INPPL1: variants seen among roughly 807,000 people sequenced by gnomAD.
The protein encoded by INPPL1 is phosphatidylinositol 3,4,5-trisphosphate 5-phosphatase 2.
In INPPL1, 91 loss-of-function variants were observed where a neutral mutation model predicts 139.3. The observed-to-expected ratio is 0.65, with a 90% confidence interval of 0.55 to 0.78. INPPL1 has a LOEUF of 0.78. Among genes scored for constraint, INPPL1 ranks in the 30% least tolerant of loss-of-function variants. The probability of loss-of-function intolerance (pLI) is 0.00; values close to 1 mark genes in which losing one functional copy is unlikely to be tolerated. For missense variants in INPPL1, 1,411 were observed against 1,665.6 expected (o/e 0.85, Z 2.66); for synonymous variants, 719 against 686.6 (o/e 1.05, Z -0.74).
intron 1 of INPPL1, among the ~76,000 whole-genome samples, chr11:72,225,941 T>A (rs1948659344): frequency 6.6e-6 from 1 of 152,178 alleles, no homozygotes; most frequent in Admixed American, 6.5e-5. Flanking sequence ...TTTTGCAGCC[T>A]TCTAGCGGCT....
At position 72,231,150 on chromosome 11, in the gene INPPL1, C is replaced by A; in HGVS notation, c.1458C>A (p.Arg486=). ...VGDREWLDLL[R]GGLKELTDLD... The stretch of plus-strand genomic sequence containing the variant: ...ACCGCGAGTGGCTGGACCTACTGCG[C>A]GGGGGCCTCAAGGAGCTTACGGATC... Residue 486 remains arginine (R), a synonymous_variant, in exon 12 of 28, where the codon CGC becomes CGA. Coordinates refer to ENST00000298229, the MANE Select transcript of INPPL1 (RefSeq NM_001567.4). 6.2e-7 allele frequency: 1 copy of A among 1,613,472 alleles called. No homozygotes were observed. Among genetic ancestry groups the A allele is most frequent in the Non-Finnish European group, 8.5e-7 (1 of 1,179,958 alleles).
intron 5 of INPPL1, 44 bp from the exon 6 acceptor site, chr11:72,229,421 C>T (rs1344350067): frequency 1.3e-6 from 2 of 1,577,600 alleles, no homozygotes; most frequent in African/African-American, 1.3e-5. Context: ...CTTCCCTATA[C>T]TTAGGTCGGG....
intron 11 of INPPL1, 28 bp from the exon 12 acceptor site, chr11:72,230,965 A>G (rs761851373): frequency 6.2e-7 from 1 of 1,612,006 alleles, no homozygotes; most frequent in South Asian, 1.1e-5. Context: ...TAACCCCTCC[A>G]GACCCACCTC....
chr11:72,231,239 A>C, intron 12 of INPPL1, 50 bp downstream of exon 12: 1 of 1,537,142 alleles, frequency 6.5e-7, no homozygotes, highest in Non-Finnish European at 8.8e-7. Flanking sequence ...CACCACCTCC[A>C]AACTAGCCTA....
In INPPL1 at chr11:72,230,025, T is replaced by C. The variant is rs375624221; in HGVS notation, c.939+6T>C. The C allele has an allele frequency of 2.5e-6, 4 of 1,614,058 alleles. No homozygotes were observed. In the African/African-American group the frequency reaches 5.3e-5, roughly 22 times the overall value. On this transcript the variant is annotated splice_donor_region_variant and intron_variant, in intron 8 of 27. Coordinates refer to ENST00000298229, the MANE Select transcript of INPPL1 (RefSeq NM_001567.4). ...TCCCCGTGCAGGCCTTTGAGGTACATGGCAGTGGGGCCTCACAGGGCCAAG... is the reference window on the plus strand; with the variant it reads ...TCCCCGTGCAGGCCTTTGAGGTACACGGCAGTGGGGCCTCACAGGGCCAAG...
rs755828370 is a variant in INPPL1 at position 72,230,997 on chromosome 11, T to C, written c.1305T>C (p.Ser435=). ...CCTCACCCCCTTCACCTCCAGGAAG[T>C]GTACCACCTCCAAAAAACGTGACAT... ...SVFIGTWNMG[S]VPPPKNVTSW... Residue 435 remains serine, a synonymous_variant, in exon 12 of 28, where the codon AGT becomes AGC. Transcript: ENST00000298229. 54 of 1,613,180 alleles carry C rather than the reference T, an allele frequency of 3.3e-5. No individual in the cohort carries two copies. Among genetic ancestry groups the C allele is most frequent in the Non-Finnish European group, 4.3e-5 (51 of 1,179,556 alleles).
At chr11:72,223,766 A>G (rs1948582603), upstream of INPPL1, 1 of 151,136 alleles carries the variant, frequency 6.6e-6, no homozygotes, top group South Asian at 1.9e-4. Flanking sequence ...GAGGTCACCC[A>G]GTGGGCCAGC....
chr11:72,229,399 A>G, intron 5 of INPPL1, 66 bp from the exon 6 acceptor site: 1 of 1,512,758 alleles, frequency 6.6e-7, no homozygotes, highest in South Asian at 1.1e-5. Flanking sequence ...TTGAGGCTAC[A>G]CCCAGCGCCC....
At chr11:72,231,210 C>T in intron 12 of INPPL1, 21 bp downstream of exon 12, 1 of 1,597,800 alleles carries the variant, frequency 6.3e-7, no homozygotes, top group Non-Finnish European at 8.5e-7. Flanking sequence ...GTCATCTTGT[C>T]CAGGACCCTG....
chr11:72,231,554 C>T lies in INPPL1; in HGVS notation c.1554C>T (p.His518=), dbSNP rs772254020. 3.7e-5 allele frequency: 59 copies of T among 1,613,854 alleles called. No homozygotes were observed. The highest frequency in any genetic ancestry group is 2.2e-4 in the Admixed American group (13 of 59,988). Reference sequence around the variant, plus strand: ...TGGCAGTGCTGGTCAAGCCAGAGCACGAGAACCGTATCAGCCATGTCAGTA... The same window carrying T: ...TGGCAGTGCTGGTCAAGCCAGAGCATGAGAACCGTATCAGCCATGTCAGTA... The part of the protein sequence containing the change: ...IKVAVLVKPE[H]ENRISHVSTS... Residue 518 remains histidine (H), a synonymous_variant, in exon 13 of 28, where the codon CAC becomes CAT. Coordinates refer to ENST00000298229, the MANE Select transcript of INPPL1 (RefSeq NM_001567.4).
Position 72,228,991 on chromosome 11 carries a change from C to T in INPPL1, c.519-99C>T, listed in dbSNP as rs1360920014. 30 of 1,528,316 alleles carry T rather than the reference C, an allele frequency of 2.0e-5. No homozygotes were observed. The highest frequency in any genetic ancestry group is 2.4e-5 in the Non-Finnish European group (27 of 1,136,262). 94.7% of individuals were successfully genotyped at this position (1,528,316 alleles called of 1,614,324 possible). On this transcript the variant is annotated intron_variant, in intron 4 of 27. Coordinates refer to ENST00000298229, the MANE Select transcript of INPPL1 (RefSeq NM_001567.4). The surrounding 1 kb of genome is among the most constrained non-coding windows in gnomAD (Gnocchi z 5.0). ...CAGAGGCAGATAACCTGATCCATCCCGCCCTGGTTGCCACAGGTACTATCT... is the reference window on the plus strand; with the variant it reads ...CAGAGGCAGATAACCTGATCCATCCTGCCCTGGTTGCCACAGGTACTATCT...
At chr11:72,232,465 C>A in intron 14 of INPPL1, 129 bp downstream of exon 14, 1 of 1,201,448 alleles carries the variant, frequency 8.3e-7, no homozygotes, top group Non-Finnish European at 1.2e-6. Context: ...TCTCTTATCC[C>A]AATTCAAGAC....
chr11:72,226,548 A>G (rs1185232140), intron 1 of INPPL1, among the ~76,000 whole-genome samples: 1 of 152,112 alleles, frequency 6.6e-6, no homozygotes, highest in African/African-American at 2.4e-5. Context: ...AGCCGGGGAT[A>G]CTGCTAAACA....
At chr11:72,225,231 G>T in intron 1 of INPPL1, 65 bp downstream of exon 1, 3 of 1,225,886 alleles carry the variant, frequency 2.4e-6, no homozygotes, top group Non-Finnish European at 3.0e-6. Context: ...GCCGGGTGTG[G>T]AAAGGGCCCG....
Position 72,225,199 on chromosome 11 carries a change from G to A in INPPL1, c.182+33G>A, listed in dbSNP as rs1015732940. On this transcript the variant is annotated intron_variant, in intron 1 of 27. Coordinates refer to ENST00000298229, the MANE Select transcript of INPPL1 (RefSeq NM_001567.4). ...GGGCGGGGGCTCCTTGCGGGCTGGC[G>A]TGGACCGGGAGCGCGGGCACGGCCG... 11 of 946,866 alleles carry A rather than the reference G, an allele frequency of 1.2e-5. No homozygotes were observed. In the East Asian group the frequency reaches 1.3e-4, roughly 11 times the overall value. The allele number at this position is 946,866 out of a possible 1,614,324, so 58.7% of individuals were successfully genotyped here.
chr11:72,228,719 G>T lies in INPPL1; in HGVS notation c.398-8G>T. On this transcript the variant is annotated splice_polypyrimidine_tract_variant and splice_region_variant and intron_variant, in intron 3 of 27. Coordinates refer to ENST00000298229, the MANE Select transcript of INPPL1 (RefSeq NM_001567.4). This position sits in a 1 kb window ranked among gnomAD's most constrained non-coding sequence, Gnocchi z 5.0. ...CCCAAACGGCTGCCCACTGACCCCTGCCCACAGATGGGGAGGATGAGAAGC... is the reference window on the plus strand; with the variant it reads ...CCCAAACGGCTGCCCACTGACCCCTTCCCACAGATGGGGAGGATGAGAAGC... The T allele has an allele frequency of 6.2e-7, 1 of 1,608,018 alleles. No homozygotes were observed. The highest frequency in any genetic ancestry group is 8.5e-7 in the Non-Finnish European group (1 of 1,176,824).
At position 72,237,494 on chromosome 11, in the gene INPPL1, G is replaced by C. The variant is rs1311354993; in HGVS notation, c.3250G>C (p.Glu1084Gln). ...GPVVRGRGGA[E>Q]ARGPPPPKAH... ...AGTGGTCCGGGGCCGTGGTGGGGCT[G>C]AGGCCCGTGGCCCACCACCTCCCAA... The change falls in exon 26 of 28, where the codon GAG becomes CAG. Residue 1084 changes from glutamate to glutamine, a missense_variant. Transcript: ENST00000298229. 1 of 1,609,480 alleles carries C rather than the reference G, an allele frequency of 6.2e-7. No individual in the cohort carries two copies. The highest frequency in any genetic ancestry group is 2.2e-5 in the East Asian group (1 of 44,756).
intron 13 of INPPL1, among the ~76,000 whole-genome samples, chr11:72,231,817 T>G (rs544484260): frequency 3.9e-5 from 6 of 152,272 alleles, no homozygotes; most frequent in Middle Eastern, 6.8e-3. Context: ...TTACCCCCTT[T>G]TCACAGATGA....
chr11:72,227,144 G>A (rs981861326), intron 1 of INPPL1, among the ~76,000 whole-genome samples: 2 of 152,206 alleles, frequency 1.3e-5, no homozygotes, highest in African/African-American at 4.8e-5. Flanking sequence ...GCCCCAGCAG[G>A]CACAGGCAAT....
Sources: gnomAD v4.1 joint callset for allele counts (sites outside exome capture counted in the v4.1 genomes callset) on GRCh38, gnomAD v4.1.1 for gene constraint, Gnocchi (gnomAD v3.1) non-coding constraint, MANE v1.5 for transcripts, NCBI Gene and HGNC (gene_info 2026-07-23, HGNC 2026-07-21) for gene names.